Variants in COX7B2 observed in about 807,000 individuals in gnomAD.
COX7B2 encodes cytochrome c oxidase subunit 7B2.
For missense variants in COX7B2, 109 were observed against 95.9 expected, an observed-to-expected ratio of 1.14 and a Z score of -0.57; for synonymous variants, 37 against 32.1, an observed-to-expected ratio of 1.15 and a Z score of -0.51.
intron 2 of COX7B2, among the ~76,000 whole-genome samples, chr4:46,842,744 T>C (rs1439786671): frequency 6.6e-6 from 1 of 152,144 alleles, no homozygotes; most frequent in Admixed American, 6.5e-5. Flanking sequence ...TCATTTTTTA[T>C]GGCTGCATAG....
intron 2 of COX7B2, among the ~76,000 whole-genome samples, chr4:46,752,536 T>C (rs1305018161): frequency 2.6e-5 from 4 of 152,008 alleles, no homozygotes; most frequent in African/African-American, 9.7e-5. Context: ...GCCAATTCAG[T>C]ATGTAATTGG....
rs868744717 is a variant in COX7B2 at position 46,861,265 on chromosome 4, A to T, written c.-104-16251T>A. Among the ~76,000 whole-genome samples, 3 of 150,810 alleles carry T rather than the reference A, an allele frequency of 2.0e-5. 1 individual carries two copies. The Middle Eastern group carries it at 0.01, about 513-fold the overall frequency. On this transcript the variant is annotated intron_variant, in intron 1 of 2. Transcript: ENST00000355591. ...GAATGCAGTTATCACTCCACTGCCC[A>T]CTCATATCTCATCATTTACTTTTGT...
intron 2 of COX7B2, among the ~76,000 whole-genome samples, chr4:46,775,379 G>A (rs970454952): frequency 6.6e-5 from 10 of 152,082 alleles, no homozygotes; most frequent in Non-Finnish European, 1.3e-4. Flanking sequence ...AAAAGTCACT[G>A]TATTTTAGGA....
At chr4:46,753,953 C>A (rs1715581248) in intron 2 of COX7B2, among the ~76,000 whole-genome samples, 1 of 152,142 alleles carries the variant, frequency 6.6e-6, no homozygotes, top group Non-Finnish European at 1.5e-5. Flanking sequence ...CCAACAGACA[C>A]ATGAAAAAAT....
At chr4:46,879,109 C>G (rs958804671) in intron 1 of COX7B2, among the ~76,000 whole-genome samples, 1 of 151,834 alleles carries the variant, frequency 6.6e-6, no homozygotes, top group African/African-American at 2.4e-5. Context: ...TGATTTTTTT[C>G]TCCTTTTCTT....
chr4:46,758,641 T>G (rs1715945507), intron 2 of COX7B2, among the ~76,000 whole-genome samples: 1 of 152,168 alleles, frequency 6.6e-6, no homozygotes, highest in Non-Finnish European at 1.5e-5. Context: ...TGTTTTTGAT[T>G]AAGATTTCTA....
chr4:46,740,791 TAGTA>T (rs1395679237), intron 2 of COX7B2, among the ~76,000 whole-genome samples: 2 of 152,096 alleles, frequency 1.3e-5, no homozygotes, highest in African/African-American at 2.4e-5. Context: ...CAGATCAATT[TAGTA>T]AGTAAGTTAC....
At chr4:46,877,479 A>C (rs538190265) in intron 1 of COX7B2, among the ~76,000 whole-genome samples, 7 of 152,328 alleles carry the variant, frequency 4.6e-5, no homozygotes, top group African/African-American at 1.4e-4. Context: ...GTCTTTACAC[A>C]GATATAGATC....
intron 1 of COX7B2, among the ~76,000 whole-genome samples, chr4:46,880,741 G>C (rs540135517): frequency 1.9e-4 from 27 of 145,680 alleles, no homozygotes; most frequent in South Asian, 1.5e-3. Context: ...ACTATCGCAA[G>C]AACAAAAAAC....
intron 2 of COX7B2, among the ~76,000 whole-genome samples, chr4:46,813,511 C>A (rs772978611): frequency 8.5e-5 from 13 of 152,082 alleles, no homozygotes; most frequent in Non-Finnish European, 1.5e-4. Flanking sequence ...ACGATGAAAA[C>A]ACATGGACAC....
chr4:46,754,236 T>C (rs1715603014), intron 2 of COX7B2, among the ~76,000 whole-genome samples: 1 of 151,908 alleles, frequency 6.6e-6, no homozygotes. Context: ...GGATTATAAA[T>C]CATGCTGCTA....
chr4:46,836,167 A>C (rs1240571564), intron 2 of COX7B2, among the ~76,000 whole-genome samples: 2 of 152,118 alleles, frequency 1.3e-5, no homozygotes, highest in Non-Finnish European at 2.9e-5. Context: ...AGGCTATGCT[A>C]AACTTATTAA....
intron 2 of COX7B2, among the ~76,000 whole-genome samples, chr4:46,743,481 A>C (rs187379411): frequency 6.6e-6 from 1 of 152,254 alleles, no homozygotes; most frequent in Admixed American, 6.5e-5. Flanking sequence ...TGAAATACAT[A>C]GTCTCTTAGC....
chr4:46,754,014 C>A (rs60195615), intron 2 of COX7B2, among the ~76,000 whole-genome samples: 1 of 151,852 alleles, frequency 6.6e-6, no homozygotes, highest in Non-Finnish European at 1.5e-5. Flanking sequence ...CACAATCAGA[C>A]ACCATTTCAC....
chr4:46,855,462 G>GA (rs1468856148), intron 1 of COX7B2, among the ~76,000 whole-genome samples: 5 of 151,680 alleles, frequency 3.3e-5, no homozygotes, highest in African/African-American at 1.2e-4. Flanking sequence ...ACTTATTCCT[G>GA]ATTTAAAATA....
At chr4:46,753,049 G>A (rs1161670560) in intron 2 of COX7B2, among the ~76,000 whole-genome samples, 1 of 152,050 alleles carries the variant, frequency 6.6e-6, no homozygotes, top group Non-Finnish European at 1.5e-5. Flanking sequence ...TCTGGTCCTG[G>A]ACTTTTTTTG....
At chr4:46,738,512 T>G (rs1714506968) in intron 2 of COX7B2, among the ~76,000 whole-genome samples, 1 of 152,060 alleles carries the variant, frequency 6.6e-6, no homozygotes, top group Non-Finnish European at 1.5e-5. Context: ...GCTACATCCG[T>G]CTCAACTGCC....
chr4:46,755,313 GA>G (rs1665312036), intron 2 of COX7B2, among the ~76,000 whole-genome samples: 1 of 151,900 alleles, frequency 6.6e-6, no homozygotes, highest in Non-Finnish European at 1.5e-5. Flanking sequence ...GGCCATATAT[GA>G]CAAACTCACA....
chr4:46,804,451 A>G (rs1718863894), intron 2 of COX7B2, among the ~76,000 whole-genome samples: 1 of 152,086 alleles, frequency 6.6e-6, no homozygotes, highest in Non-Finnish European at 1.5e-5. Flanking sequence ...CCGTTGTGAC[A>G]GGGTGCTGAT....
Sources: gnomAD v4.1 joint callset for allele counts (sites outside exome capture counted in the v4.1 genomes callset) on GRCh38, gnomAD v4.1.1 for gene constraint, MANE v1.5 for transcripts, NCBI Gene and HGNC (gene_info 2026-07-23, HGNC 2026-07-21) for gene names.